EFR3B: variants seen among roughly 807,000 people sequenced by gnomAD.
The protein encoded by EFR3B is protein EFR3 homolog B.
EFR3B carries 64 observed loss-of-function variants against 104.7 expected under a neutral mutation model. The ratio of observed to expected loss-of-function variants is 0.61; its 90% CI spans 0.50 to 0.75. The LOEUF is 0.75. EFR3B is among the 30% of genes least tolerant of loss of function. EFR3B has a pLI of 0.00. For missense variants in EFR3B, 750 were observed against 1,078.5 expected, an observed-to-expected ratio of 0.70 and a Z score of 4.27; for synonymous variants, 385 against 417.9, an observed-to-expected ratio of 0.92 and a Z score of 0.96.
In EFR3B at chr2:25,043,129, G is replaced by C. The variant is rs75109626; in HGVS notation, c.7+810G>C. Among the ~76,000 whole-genome samples the C allele has an allele frequency of 8.8e-4, 134 of 152,274 alleles. 3 individuals carry two copies. Among genetic ancestry groups the C allele is most frequent in the East Asian group, 7.7e-3 (40 of 5,180 alleles). On this transcript the variant is annotated intron_variant, in intron 1 of 22. Coordinates refer to ENST00000403714, the MANE Select transcript of EFR3B (RefSeq NM_014971.2). ...TGATGAATGGAGCACTGGAGACCTA[G>C]ACCAGTCTAGGAATGGACTGCATTC... is the stretch of plus-strand genomic sequence containing the variant.
intron 4 of EFR3B, among the ~76,000 whole-genome samples, chr2:25,110,855 TTA>T (rs1418878521): frequency 1.3e-5 from 2 of 152,230 alleles, no homozygotes; most frequent in African/African-American, 4.8e-5. Flanking sequence ...AAATCAGAAC[TTA>T]GTAAAGACTA....
intron 15 of EFR3B, among the ~76,000 whole-genome samples, chr2:25,138,558 G>T (rs1048669737): frequency 6.6e-6 from 1 of 151,546 alleles, no homozygotes; most frequent in South Asian, 2.1e-4. Flanking sequence ...ATCCTGCAGG[G>T]CCAGCCTAGA....
In EFR3B at chr2:25,157,608, A is replaced by G. The variant is rs1471034553; in HGVS notation, c.*3268A>G. ...TCTAGCTGTGTGGGGAAGGGCTAGC[A>G]TTGGTCAGGACTCTGCTGACAGCAC... On this transcript the variant is annotated 3_prime_UTR_variant, in exon 23 of 23. Transcript: ENST00000403714. The G allele has an allele frequency of 6.6e-6, 1 of 152,252 alleles. No homozygotes were observed. The highest frequency in any genetic ancestry group is 6.6e-5 in the Admixed American group (1 of 15,266). The allele number at this position is 152,252 out of a possible 1,614,324, so 9.4% of individuals were successfully genotyped here. A position where few individuals can be genotyped will look rare whatever the true frequency, so the allele number is the denominator to read the frequency against.
chr2:25,122,687 C>G (rs181333288), intron 5 of EFR3B, among the ~76,000 whole-genome samples: 1 of 152,154 alleles, frequency 6.6e-6, no homozygotes, highest in East Asian at 1.9e-4. Flanking sequence ...CTCAAATGTC[C>G]CCTTGTCAGT....
rs989641492 is a variant in EFR3B at position 25,063,267 on chromosome 2, T to C, written c.7+20948T>C. On this transcript the variant is annotated intron_variant, in intron 1 of 22. Coordinates refer to ENST00000403714, the MANE Select transcript of EFR3B (RefSeq NM_014971.2). The stretch of plus-strand genomic sequence containing the variant: ...AGGATTGATTTTTCCATTTCCTCCT[T>C]GGGGCTTTTGTGACCTCACAGCCCA... 2.0e-5 allele frequency among the ~76,000 whole-genome samples: 3 copies of C among 152,156 alleles called. No individual in the cohort carries two copies. In the South Asian group the frequency reaches 6.2e-4, roughly 31 times the overall value.
intron 1 of EFR3B, among the ~76,000 whole-genome samples, chr2:25,089,851 T>G (rs1353442544): frequency 1.3e-5 from 2 of 151,936 alleles, no homozygotes; most frequent in African/African-American, 4.8e-5. Context: ...AAGCTGAGGG[T>G]GGTGGAGGGG....
intron 4 of EFR3B, among the ~76,000 whole-genome samples, chr2:25,105,806 C>G (rs1669546454): frequency 6.6e-6 from 1 of 152,224 alleles, no homozygotes; most frequent in South Asian, 2.1e-4. Flanking sequence ...GCTTCCCCCA[C>G]AGGAAATCCT....
At chr2:25,057,697 G>A (rs964069699) in intron 1 of EFR3B, among the ~76,000 whole-genome samples, 5 of 151,108 alleles carry the variant, frequency 3.3e-5, no homozygotes, top group Non-Finnish European at 5.9e-5. Flanking sequence ...CAGGAGAATC[G>A]CTTGAACCTG....
chr2:25,045,340 A>G (rs985924845), intron 1 of EFR3B, among the ~76,000 whole-genome samples: 3 of 152,238 alleles, frequency 2.0e-5, no homozygotes, highest in African/African-American at 7.2e-5. Flanking sequence ...AAAAGGACAC[A>G]GTGACTGCCC....
intron 21 of EFR3B, among the ~76,000 whole-genome samples, chr2:25,152,799 A>C (rs1007453737): frequency 7.3e-6 from 1 of 137,696 alleles, no homozygotes; most frequent in African/African-American, 2.8e-5. Flanking sequence ...TTTTATATAT[A>C]ATATTCATAT....
chr2:25,103,863 G>A, intron 4 of EFR3B, 76 bp downstream of exon 4: 3 of 1,520,310 alleles, frequency 2.0e-6, no homozygotes, highest in Middle Eastern at 1.8e-4. Flanking sequence ...AGACCTCGGG[G>A]TCGGCACTGT....
intron 4 of EFR3B, among the ~76,000 whole-genome samples, chr2:25,113,928 CA>C (rs1262523800): frequency 1.3e-5 from 2 of 152,114 alleles, no homozygotes; most frequent in East Asian, 3.9e-4. Flanking sequence ...TAAGCTGGGA[CA>C]AGTAAGCTTG....
intron 5 of EFR3B, among the ~76,000 whole-genome samples, chr2:25,126,760 G>A (rs1333423053): frequency 6.6e-6 from 1 of 151,992 alleles, no homozygotes; most frequent in Non-Finnish European, 1.5e-5. Flanking sequence ...CTCCCAAAGT[G>A]CTGGGGTTAC....
At chr2:25,123,072 A>C (rs1223454686) in intron 5 of EFR3B, among the ~76,000 whole-genome samples, 1 of 152,202 alleles carries the variant, frequency 6.6e-6, no homozygotes, top group Non-Finnish European at 1.5e-5. Context: ...ATAAAATCAC[A>C]GAGAAATTGA....
chr2:25,095,826 G>A (rs1669260464), intron 3 of EFR3B, among the ~76,000 whole-genome samples: 1 of 151,976 alleles, frequency 6.6e-6, no homozygotes, highest in African/African-American at 2.4e-5. Context: ...TATTTTTTAT[G>A]TGGATGTGTT....
intron 1 of EFR3B, among the ~76,000 whole-genome samples, chr2:25,071,793 G>T (rs942181209): frequency 6.6e-6 from 1 of 152,174 alleles, no homozygotes; most frequent in Non-Finnish European, 1.5e-5. Context: ...CAGCCAGCTG[G>T]CTAAGCTCCA....
chr2:25,128,058 C>G lies in EFR3B; in HGVS notation c.486-125C>G, dbSNP rs1041724490. On this transcript the variant is annotated intron_variant, in intron 5 of 22. Transcript: ENST00000403714. ...GTCTCATGAGAGTAGCAGCTGGTCT[C>G]CATTCTGCCTTCTGATGGACAAATG... 6 of 1,105,582 alleles carry G rather than the reference C, an allele frequency of 5.4e-6. No homozygotes were observed. The African/African-American group carries it at 9.4e-5, about 17-fold the overall frequency. The allele number at this position is 1,105,582 out of a possible 1,614,324, so 68.5% of individuals were successfully genotyped here. A position where few individuals can be genotyped will look rare whatever the true frequency, so the allele number is the denominator to read the frequency against.
At position 25,042,176 on chromosome 2, in the gene EFR3B, T is replaced by G; in HGVS notation, c.-137T>G. On this transcript the variant is annotated 5_prime_UTR_variant, in exon 1 of 23. Coordinates refer to ENST00000403714, the MANE Select transcript of EFR3B (RefSeq NM_014971.2). This position sits in a 1 kb window ranked among gnomAD's most constrained non-coding sequence, Gnocchi z 5.4. The stretch of plus-strand genomic sequence containing the variant: ...CCTGCCCGCGGCCGGCCCCCGCGTC[T>G]GCTCCCTCCCCGCCCGGGCCCCTGT... The G allele has an allele frequency of 1.1e-6, 1 of 871,284 alleles. No homozygotes were observed. The highest frequency in any genetic ancestry group is 1.8e-5 in the African/African-American group (1 of 55,324). The allele number at this position is 871,284 out of a possible 1,614,324, so 54.0% of individuals were successfully genotyped here.
intron 1 of EFR3B, among the ~76,000 whole-genome samples, chr2:25,089,409 GAC>G (rs1214151676): frequency 2.0e-5 from 3 of 152,186 alleles, no homozygotes; most frequent in Non-Finnish European, 4.4e-5. Context: ...GGCAGGAACT[GAC>G]ACTACAATTT....
Sources: allele counts gnomAD v4.1 joint callset (sites outside exome capture counted in the v4.1 genomes callset), GRCh38; gene constraint gnomAD v4.1.1; non-coding constraint Gnocchi (gnomAD v3.1); transcripts MANE v1.5; gene names NCBI Gene and HGNC (gene_info 2026-07-23, HGNC 2026-07-21).